The following EDIL3 variants were observed in gnomAD, a reference collection of about 807,000 sequenced individuals.
The protein encoded by EDIL3 is EGF-like repeat and discoidin I-like domain-containing protein 3.
EDIL3 carries 37 observed loss-of-function variants against 67.4 expected under a neutral mutation model. The ratio of observed to expected loss-of-function variants is 0.55; its 90% confidence interval spans 0.42 to 0.72. The LOEUF is 0.72. EDIL3 is among the 30% of genes least tolerant of loss of function. The pLI is 0.00. For missense variants in EDIL3, 527 were observed against 586.3 expected (o/e 0.90, Z 1.04); for synonymous variants, 195 against 196.3 (o/e 0.99, Z 0.05).
At chr5:84,057,942 A>G (rs1746478133) in intron 9 of EDIL3, among the ~76,000 whole-genome samples, 1 of 152,188 alleles carries the variant, frequency 6.6e-6, no homozygotes, top group Non-Finnish European at 1.5e-5. Context: ...TACAGTAAGA[A>G]AATGGTATAG....
At chr5:84,360,748 T>A (rs1580101144) in intron 1 of EDIL3, among the ~76,000 whole-genome samples, 1 of 152,174 alleles carries the variant, frequency 6.6e-6, no homozygotes, top group African/African-American at 2.4e-5. Context: ...AAATTCTGAT[T>A]TCATTTCACT....
At chr5:84,369,869 C>T (rs1251227357) in intron 1 of EDIL3, among the ~76,000 whole-genome samples, 1 of 152,026 alleles carries the variant, frequency 6.6e-6, no homozygotes. Context: ...CTAAACAAGT[C>T]TCAAAGTACA....
chr5:84,137,469 G>T, intron 4 of EDIL3, 115 bp from the exon 5 acceptor site: 1 of 788,550 alleles, frequency 1.3e-6, no homozygotes, highest in Non-Finnish European at 2.0e-6. Context: ...CTTTGTGTGT[G>T]TGTAGGCATG....
chr5:84,160,781 T>C (rs1580354776), intron 4 of EDIL3, among the ~76,000 whole-genome samples: 2 of 64,064 alleles, frequency 3.1e-5, no homozygotes, highest in Non-Finnish European at 6.9e-5. Context: ...TTTCCTTTCC[T>C]TTCCTTTCCT....
At chr5:84,238,079 C>T (rs1331565244) in intron 2 of EDIL3, among the ~76,000 whole-genome samples, 6 of 151,922 alleles carry the variant, frequency 3.9e-5, no homozygotes, top group Non-Finnish European at 7.4e-5. Context: ...AACTTCAATG[C>T]TTTTAAAAAA....
At chr5:83,948,586 C>T (rs1744354865) in intron 10 of EDIL3, among the ~76,000 whole-genome samples, 1 of 150,986 alleles carries the variant, frequency 6.6e-6, no homozygotes, top group African/African-American at 2.4e-5. Context: ...GCAAGCATTC[C>T]AAAAATCAAA....
chr5:84,236,075 T>G (rs2112051076), intron 2 of EDIL3, among the ~76,000 whole-genome samples: 1 of 152,186 alleles, frequency 6.6e-6, no homozygotes, highest in South Asian at 2.1e-4. Flanking sequence ...TGAATCATTT[T>G]AACAGCAATT....
intron 9 of EDIL3, among the ~76,000 whole-genome samples, chr5:84,041,120 A>C (rs1746112662): frequency 6.9e-6 from 1 of 145,100 alleles, no homozygotes; most frequent in Admixed American, 6.9e-5. Context: ...GACAGAGCAA[A>C]ACAATGTCTC....
At chr5:84,272,630 A>C (rs910876045) in intron 1 of EDIL3, among the ~76,000 whole-genome samples, 1 of 152,294 alleles carries the variant, frequency 6.6e-6, no homozygotes, top group East Asian at 1.9e-4. Context: ...AGAGGCTTAG[A>C]ATTTTGCCTA....
chr5:84,294,835 A>G (rs557620590), intron 1 of EDIL3, among the ~76,000 whole-genome samples: 1 of 152,334 alleles, frequency 6.6e-6, no homozygotes, highest in Admixed American at 6.5e-5. Flanking sequence ...TATGATTCTC[A>G]TCTCACAGAA....
intron 9 of EDIL3, among the ~76,000 whole-genome samples, chr5:84,011,750 C>T (rs764975188): frequency 1.7e-4 from 26 of 152,058 alleles, no homozygotes; most frequent in Non-Finnish European, 1.5e-4. Context: ...TGACTTTTGC[C>T]TTTCTCCCCA....
At chr5:84,325,429 A>AT (rs1746737534) in intron 1 of EDIL3, among the ~76,000 whole-genome samples, 2 of 152,020 alleles carry the variant, frequency 1.3e-5, no homozygotes, top group Admixed American at 1.3e-4. Context: ...AAAAACTTCA[A>AT]TGAGATATCA....
chr5:84,014,006 C>G (rs1386564657), intron 9 of EDIL3, among the ~76,000 whole-genome samples: 1 of 152,090 alleles, frequency 6.6e-6, no homozygotes, highest in African/African-American at 2.4e-5. Context: ...CTACTTATAT[C>G]ATGTTTGACT....
intron 1 of EDIL3, among the ~76,000 whole-genome samples, chr5:84,344,265 G>A (rs1747191711): frequency 6.6e-6 from 1 of 151,996 alleles, no homozygotes; most frequent in Non-Finnish European, 1.5e-5. Flanking sequence ...TCCTTTTCAT[G>A]TATTTTATTA....
intron 3 of EDIL3, among the ~76,000 whole-genome samples, chr5:84,214,629 TCTC>T (rs1249750789): frequency 6.6e-6 from 1 of 152,166 alleles, no homozygotes; most frequent in African/African-American, 2.4e-5. Flanking sequence ...TTATTGAGAT[TCTC>T]CTTTTATTTA....
chr5:84,162,269 G>C (rs553023262), intron 4 of EDIL3, among the ~76,000 whole-genome samples: 32 of 152,238 alleles, frequency 2.1e-4, no homozygotes, highest in African/African-American at 7.2e-4. Context: ...TCCATAGAGA[G>C]GAGTGGTTCC....
chr5:84,311,123 T>C (rs1746377904), intron 1 of EDIL3, among the ~76,000 whole-genome samples: 1 of 152,120 alleles, frequency 6.6e-6, no homozygotes, highest in Admixed American at 6.6e-5. Context: ...GTCATTTGGT[T>C]ATTTCCGGTT....
At chr5:84,346,360 C>A (rs1476985409) in intron 1 of EDIL3, among the ~76,000 whole-genome samples, 1 of 151,938 alleles carries the variant, frequency 6.6e-6, no homozygotes, top group Non-Finnish European at 1.5e-5. Flanking sequence ...CAAATGCAGC[C>A]AGTGACGATA....
chr5:83,994,489 T>A (rs1485604276), intron 9 of EDIL3, among the ~76,000 whole-genome samples: 1 of 152,060 alleles, frequency 6.6e-6, no homozygotes, highest in African/African-American at 2.4e-5. Flanking sequence ...TTCTCTAAAC[T>A]CAGGCAACAA....
Sources: allele counts gnomAD v4.1 joint callset (sites outside exome capture counted in the v4.1 genomes callset), GRCh38; gene constraint gnomAD v4.1.1; transcripts MANE v1.5; gene names NCBI Gene and HGNC (gene_info 2026-07-23, HGNC 2026-07-21).